Variants in TMEM9 observed in about 807,000 individuals in gnomAD.
TMEM9 encodes the protein proton-transporting V-type ATPase complex assembly regulator TMEM9.
TMEM9 carries 13 observed loss-of-function variants against 22.8 expected under a neutral mutation model. That is an observed-to-expected ratio of 0.57 (90% confidence interval 0.37 to 0.91). The LOEUF is 0.91. Ranked by LOEUF, TMEM9 falls within the 40% of genes least tolerant of loss-of-function variation. The pLI is 0.01. For synonymous variants in TMEM9, 88 were observed against 93.0 expected (o/e 0.95, Z 0.31); for missense variants, 182 against 238.1 (o/e 0.76, Z 1.55).
At chr1:201,155,553 TC>T (rs1665763798), upstream of TMEM9, among the ~76,000 whole-genome samples, 1 of 152,164 alleles carries the variant, frequency 6.6e-6, no homozygotes, top group Non-Finnish European at 1.5e-5. Flanking sequence ...TGGTAGGTGC[TC>T]AGGAAGTGTT....
chr1:201,149,638 A>AC (rs1240309931), intron 2 of TMEM9, among the ~76,000 whole-genome samples: 4 of 152,182 alleles, frequency 2.6e-5, no homozygotes, highest in Non-Finnish European at 5.9e-5. Flanking sequence ...TGGCCATTAA[A>AC]CCTGAGGACC....
chr1:201,155,937 T>C (rs763568841), upstream of TMEM9, among the ~76,000 whole-genome samples: 6 of 152,194 alleles, frequency 3.9e-5, no homozygotes, highest in Non-Finnish European at 7.3e-5. Flanking sequence ...GAGGTCAGAA[T>C]GGCTGCTTTG....
chr1:201,152,842 A>G (rs1439917809), intron 1 of TMEM9, among the ~76,000 whole-genome samples: 2 of 152,248 alleles, frequency 1.3e-5, no homozygotes, highest in Non-Finnish European at 2.9e-5. Context: ...TTGAAAGACT[A>G]TAGCAGAGCG....
At chr1:201,152,394 ATC>A (rs1293501367) in intron 1 of TMEM9, among the ~76,000 whole-genome samples, 5 of 152,234 alleles carry the variant, frequency 3.3e-5, no homozygotes, top group Non-Finnish European at 7.3e-5. Flanking sequence ...AGTAAGAGAT[ATC>A]ACCATAAATG....
chr1:201,166,171 C>T (rs536295956), intron 1 of TMEM9, among the ~76,000 whole-genome samples: 1 of 152,212 alleles, frequency 6.6e-6, no homozygotes, highest in African/African-American at 2.4e-5. Context: ...TTGTCCGTTG[C>T]TTTCTTGCAA....
chr1:201,146,227 A>C (rs1397256948), intron 3 of TMEM9, among the ~76,000 whole-genome samples: 2 of 152,208 alleles, frequency 1.3e-5, no homozygotes, highest in African/African-American at 4.8e-5. Flanking sequence ...ATCAATGAGA[A>C]GGTGGTTCAG....
intron 1 of TMEM9, among the ~76,000 whole-genome samples, chr1:201,163,458 C>T (rs947046832): frequency 2.6e-5 from 4 of 152,026 alleles, no homozygotes; most frequent in Admixed American, 1.3e-4. Flanking sequence ...GGCATGGTGG[C>T]GTGTGCCTGT....
intron 1 of TMEM9, among the ~76,000 whole-genome samples, chr1:201,160,589 CA>C (rs1004689444): frequency 2.5e-4 from 35 of 140,974 alleles, no homozygotes; most frequent in Non-Finnish European, 4.0e-4. Flanking sequence ...AAATCTGTCT[CA>C]AAAAAAAAAT....
At chr1:201,142,702 ATC>A (rs1267108905) in intron 4 of TMEM9, among the ~76,000 whole-genome samples, 1 of 152,248 alleles carries the variant, frequency 6.6e-6, no homozygotes, top group African/African-American at 2.4e-5. Context: ...AAACAGGAGT[ATC>A]TTCCAGCAGC....
intron 1 of TMEM9, among the ~76,000 whole-genome samples, chr1:201,161,651 TA>T (rs1176550246): frequency 6.6e-6 from 1 of 152,378 alleles, no homozygotes; most frequent in East Asian, 1.9e-4. Context: ...TTTGATGTGA[TA>T]AAACATATTG....
At chr1:201,166,059 T>G (rs533542321) in intron 1 of TMEM9, among the ~76,000 whole-genome samples, 1 of 152,274 alleles carries the variant, frequency 6.6e-6, no homozygotes, top group South Asian at 2.1e-4. Flanking sequence ...CTTGACATTA[T>G]CAGTATTGCA....
chr1:201,151,508 AAT>A (rs1158539214), intron 2 of TMEM9, among the ~76,000 whole-genome samples: 1 of 152,250 alleles, frequency 6.6e-6, no homozygotes, highest in Non-Finnish European at 1.5e-5. Flanking sequence ...ACTAAAGACC[AAT>A]ATTCAAAGCA....
chr1:201,158,877 A>G (rs1453848401), upstream of TMEM9, among the ~76,000 whole-genome samples: 1 of 152,168 alleles, frequency 6.6e-6, no homozygotes, highest in Non-Finnish European at 1.5e-5. Context: ...TCCGTGCCAC[A>G]GCTGTGGGTC....
intron 1 of TMEM9, among the ~76,000 whole-genome samples, chr1:201,152,520 G>C (rs1665513112): frequency 1.3e-5 from 2 of 152,150 alleles, no homozygotes; most frequent in Non-Finnish European, 2.9e-5. Context: ...AGCTCCACAG[G>C]AATGTAGCAA....
intron 1 of TMEM9, among the ~76,000 whole-genome samples, chr1:201,164,330 A>G (rs1666019950): frequency 6.6e-6 from 1 of 152,242 alleles, no homozygotes; most frequent in Non-Finnish European, 1.5e-5. Context: ...CCTGGTTTTA[A>G]TACTGTACTA....
At chr1:201,146,596 T>C (rs778197348) in intron 3 of TMEM9, 144 bp downstream of exon 3, 1 of 833,836 alleles carries the variant, frequency 1.2e-6, no homozygotes, top group Non-Finnish European at 2.0e-6. Context: ...TGGGTCCCAG[T>C]GTCTGCACTA....
upstream of TMEM9, among the ~76,000 whole-genome samples, chr1:201,156,139 C>G (rs544220805): frequency 6.6e-6 from 1 of 152,120 alleles, no homozygotes; most frequent in African/African-American, 2.4e-5. Context: ...CTAAAGATAC[C>G]CAATGCTGAG....
intron 4 of TMEM9, among the ~76,000 whole-genome samples, chr1:201,142,756 C>G (rs1291092793): frequency 6.6e-6 from 1 of 152,244 alleles, no homozygotes; most frequent in Non-Finnish European, 1.5e-5. Context: ...CAGCAGCCAA[C>G]CCCGCCTGCC....
chr1:201,135,678 G>A lies in TMEM9; in HGVS notation c.537C>T (p.His179=). ...QEQRKTVFDR[H]KMLS Reference sequence around the variant, plus strand: ...ACCAGCCCATCTAGCTGAGCATCTTGTGCCGATCGAAGACTGTCTTCCGCT... The same window carrying A: ...ACCAGCCCATCTAGCTGAGCATCTTATGCCGATCGAAGACTGTCTTCCGCT... Residue 179 remains histidine, a synonymous_variant, in exon 5 of 5, where the codon CAC becomes CAT. Transcript: ENST00000367330. The A allele has an allele frequency of 6.2e-7, 1 of 1,612,510 alleles. No individual in the cohort carries two copies. The highest frequency in any genetic ancestry group is 8.5e-7 in the Non-Finnish European group (1 of 1,179,264).
Sources: allele counts gnomAD v4.1 joint callset (sites outside exome capture counted in the v4.1 genomes callset), GRCh38; gene constraint gnomAD v4.1.1; transcripts MANE v1.5; gene names NCBI Gene and HGNC (gene_info 2026-07-23, HGNC 2026-07-21).